The following SCAPER variants were observed in gnomAD, a reference collection of about 807,000 sequenced individuals.
The protein encoded by SCAPER is S phase cyclin A-associated protein in the endoplasmic reticulum.
Under a neutral mutation model 182.2 loss-of-function variants are expected in SCAPER, and 98 were observed. That is an observed-to-expected ratio of 0.54 (90% CI 0.46 to 0.64). The LOEUF (loss-of-function observed/expected upper bound fraction) is 0.64, where lower values mean the gene tolerates loss of function less well. SCAPER is among the 30% of genes least tolerant of loss of function. The pLI, the probability that SCAPER is intolerant of heterozygous loss-of-function variation, is 0.00. For missense variants in SCAPER, 1,432 were observed against 1,690.0 expected (o/e 0.85, Z 2.68); for synonymous variants, 605 against 564.6 (o/e 1.07, Z -1.01).
chr15:76,372,067 C>A (rs1352854461), intron 29 of SCAPER, among the ~76,000 whole-genome samples: 1 of 151,728 alleles, frequency 6.6e-6, no homozygotes, highest in Admixed American at 6.6e-5. Context: ...TAGATTGTTG[C>A]ATTTCAGCAA....
rs750408816 is a variant in SCAPER at position 76,753,883 on chromosome 15, T to C, written c.1791A>G (p.Lys597=). 6.8e-6 allele frequency: 11 copies of C among 1,613,216 alleles called. No homozygotes were observed. The highest frequency in any genetic ancestry group is 8.5e-6 in the Non-Finnish European group (10 of 1,179,376). ...LDQRRRMMEE[K]LLHAEFKREV... is the part of the protein sequence containing the mutation. Reference sequence around the variant, plus strand: ...CTCGCTTAAACTCAGCATGAAGTAATTTTTCTTCCATCATCCTGCGTCGTT... The same window carrying C: ...CTCGCTTAAACTCAGCATGAAGTAACTTTTCTTCCATCATCCTGCGTCGTT... Residue 597 remains lysine, a synonymous_variant, in exon 15 of 32, where the codon AAA becomes AAG. Transcript: ENST00000563290.
At chr15:76,695,332 A>G (rs1328652710) in intron 20 of SCAPER, among the ~76,000 whole-genome samples, 1 of 152,206 alleles carries the variant, frequency 6.6e-6, no homozygotes, top group Non-Finnish European at 1.5e-5. Context: ...ACAGTGGCTC[A>G]TACCTGTAAT....
intron 22 of SCAPER, among the ~76,000 whole-genome samples, chr15:76,595,211 A>G (rs2049403835): frequency 8.2e-6 from 1 of 121,816 alleles, no homozygotes; most frequent in African/African-American, 2.5e-5. Context: ...TTTAGCCAAC[A>G]AAGATCAAAA....
chr15:76,709,548 G>T (rs951772169), intron 17 of SCAPER, among the ~76,000 whole-genome samples: 1 of 152,082 alleles, frequency 6.6e-6, no homozygotes, highest in African/African-American at 2.4e-5. Flanking sequence ...CCAAAAACAA[G>T]GGGAAAAAAA....
chr15:76,826,733 A>C (rs1225762060), intron 5 of SCAPER, among the ~76,000 whole-genome samples: 7 of 152,204 alleles, frequency 4.6e-5, no homozygotes, highest in African/African-American at 1.7e-4. Flanking sequence ...GTTTGATGTA[A>C]GGCATTTTTG....
At chr15:76,413,835 A>G (rs2045470752) in intron 26 of SCAPER, among the ~76,000 whole-genome samples, 1 of 152,110 alleles carries the variant, frequency 6.6e-6, no homozygotes, top group Non-Finnish European at 1.5e-5. Flanking sequence ...TGAGAACATA[A>G]AGTTCAAATT....
Position 76,883,888 on chromosome 15 carries a change from A to T in SCAPER, c.-59-12T>A. ...ATGGAGTATGACTCCTACAATAAAA[A>T]ATATATATACGCTTAGTTATAACAT... On this transcript the variant is annotated splice_polypyrimidine_tract_variant and intron_variant, in intron 1 of 31. Coordinates refer to ENST00000563290, the MANE Select transcript of SCAPER (RefSeq NM_020843.4). 1 of 1,139,766 alleles carries T rather than the reference A, an allele frequency of 8.8e-7. No individual in the cohort carries two copies. The highest frequency in any genetic ancestry group is 1.2e-6 in the Non-Finnish European group (1 of 800,858). 70.6% of individuals were successfully genotyped at this position (1,139,766 alleles called of 1,614,324 possible). A position where few individuals can be genotyped will look rare whatever the true frequency, so the allele number is the denominator to read the frequency against.
intron 23 of SCAPER, among the ~76,000 whole-genome samples, chr15:76,555,328 G>A (rs1031551167): frequency 5.9e-5 from 9 of 152,144 alleles, no homozygotes; most frequent in Non-Finnish European, 1.2e-4. Context: ...CCACAATTGA[G>A]TATGCATAAT....
At chr15:76,801,145 C>A (rs897269908) in intron 6 of SCAPER, among the ~76,000 whole-genome samples, 1 of 152,152 alleles carries the variant, frequency 6.6e-6, no homozygotes, top group Middle Eastern at 3.2e-3. Context: ...TTTAACCAAC[C>A]ATCTGAATTT....
chr15:76,637,867 T>C (rs1350165627), intron 21 of SCAPER, among the ~76,000 whole-genome samples: 1 of 151,080 alleles, frequency 6.6e-6, no homozygotes, highest in Non-Finnish European at 1.5e-5. Context: ...TTGATTTAGA[T>C]TTCCCTGATG....
Position 76,366,078 on chromosome 15 carries a change from TAC to T in SCAPER, c.3855+10082_3855+10083del, listed in dbSNP as rs1383941422. Among the ~76,000 whole-genome samples, 155 of 121,182 alleles carry T rather than the reference TAC, an allele frequency of 1.3e-3. 3 individuals are homozygous for T. Among genetic ancestry groups the T allele is most frequent in the African/African-American group, 5.2e-3 (152 of 29,240 alleles). 79.5% of individuals were successfully genotyped at this position (121,182 alleles called of 152,430 possible). On this transcript the variant is annotated intron_variant, in intron 29 of 31. Transcript: ENST00000563290. Reference sequence around the variant, plus strand: ...ATTTAAGAAAAGAGAACTGATTACTTACACACTTACACACACACACACACACA... The same window carrying T: ...ATTTAAGAAAAGAGAACTGATTACTTACACTTACACACACACACACACACA...
At chr15:76,549,616 G>A (rs1007782356) in intron 23 of SCAPER, among the ~76,000 whole-genome samples, 1 of 152,160 alleles carries the variant, frequency 6.6e-6, no homozygotes, top group Non-Finnish European at 1.5e-5. Flanking sequence ...GGGAAGGGGA[G>A]GGATAGCATT....
At chr15:76,461,058 T>C (rs1303515660) in intron 25 of SCAPER, among the ~76,000 whole-genome samples, 1 of 152,178 alleles carries the variant, frequency 6.6e-6, no homozygotes, top group Non-Finnish European at 1.5e-5. Flanking sequence ...TCCTCTAATA[T>C]GTTTTTCAGT....
At chr15:76,864,668 G>A (rs1045607306) in intron 2 of SCAPER, among the ~76,000 whole-genome samples, 1 of 151,906 alleles carries the variant, frequency 6.6e-6, no homozygotes, top group Non-Finnish European at 1.5e-5. Context: ...GGTCAGCAAA[G>A]ATTTTCTACA....
chr15:76,895,530 G>GA (rs1220164541), intron 1 of SCAPER, among the ~76,000 whole-genome samples: 6 of 143,542 alleles, frequency 4.2e-5, no homozygotes, highest in African/African-American at 1.3e-4. Context: ...TAAAAGTCAA[G>GA]AAAAAAAATA....
chr15:76,717,222 G>C (rs2059935950), intron 17 of SCAPER, among the ~76,000 whole-genome samples: 1 of 150,080 alleles, frequency 6.7e-6, no homozygotes, highest in African/African-American at 2.4e-5. Context: ...GAGAAATAAA[G>C]TCTTCCCCAG....
intron 21 of SCAPER, among the ~76,000 whole-genome samples, chr15:76,659,466 T>C (rs182115774): frequency 5.3e-5 from 8 of 152,226 alleles, no homozygotes; most frequent in Admixed American, 5.2e-4. Flanking sequence ...AACAGGGTCT[T>C]GCTATATTGT....
At chr15:76,504,047 T>C (rs2143806125) in intron 24 of SCAPER, among the ~76,000 whole-genome samples, 1 of 152,174 alleles carries the variant, frequency 6.6e-6, no homozygotes. Flanking sequence ...CCACTATGCC[T>C]GGCTAAATTT....
intron 24 of SCAPER, among the ~76,000 whole-genome samples, chr15:76,475,328 C>T (rs1403055389): frequency 8.6e-6 from 1 of 116,852 alleles, no homozygotes; most frequent in Non-Finnish European, 2.0e-5. Flanking sequence ...TAACACTAGC[C>T]TTTAATTTTT....
Sources: allele counts gnomAD v4.1 joint callset (sites outside exome capture counted in the v4.1 genomes callset), GRCh38; gene constraint gnomAD v4.1.1; transcripts MANE v1.5; gene names NCBI Gene and HGNC (gene_info 2026-07-23, HGNC 2026-07-21).